The following EXOC6B variants were observed in gnomAD, a reference collection of about 807,000 sequenced individuals.
EXOC6B encodes exocyst complex component 6B.
A neutral mutation model predicts 113.5 loss-of-function variants in EXOC6B; 54 were observed. That is an observed-to-expected ratio of 0.48 (90% CI 0.38 to 0.60). EXOC6B has a LOEUF of 0.60. Among genes scored for constraint, EXOC6B ranks in the 20% least tolerant of loss-of-function variants. EXOC6B has a pLI of 0.00. For synonymous variants in EXOC6B, 357 were observed against 339.0 expected (o/e 1.05, Z -0.58); for missense variants, 797 against 977.5 (o/e 0.82, Z 2.46).
rs564099460 is a variant in EXOC6B, at chr2:72,256,922, AATGTAAAAGCAGGTAT to A, written c.2197-72751_2197-72736del. ...TATATGTATGAACACAAGGAGGCTGAATGTAAAAGCAGGTATCTGGAATCTATTTATTCCAGGTTCC... is the reference window on the plus strand; with the variant it reads ...TATATGTATGAACACAAGGAGGCTGACTGGAATCTATTTATTCCAGGTTCC... On this transcript the variant is annotated intron_variant, in intron 20 of 21. Coordinates refer to ENST00000272427, the MANE Select transcript of EXOC6B (RefSeq NM_015189.3). Among the ~76,000 whole-genome samples, 271 of 152,316 alleles carry A rather than the reference AATGTAAAAGCAGGTAT, an allele frequency of 1.8e-3. 6 individuals carry two copies. In the East Asian group the frequency reaches 0.048, roughly 27 times the overall value.
chr2:72,197,482 C>A (rs1340220133), intron 20 of EXOC6B, among the ~76,000 whole-genome samples: 1 of 152,106 alleles, frequency 6.6e-6, no homozygotes, highest in Non-Finnish European at 1.5e-5. Flanking sequence ...TACTGACTCT[C>A]AGTCTAAGGA....
intron 20 of EXOC6B, among the ~76,000 whole-genome samples, chr2:72,253,116 A>C (rs1172030905): frequency 6.6e-6 from 1 of 152,232 alleles, no homozygotes; most frequent in Non-Finnish European, 1.5e-5. Context: ...TTCACTAATC[A>C]TTTGAGGAAT....
At chr2:72,672,432 C>A (rs542488069) in intron 6 of EXOC6B, among the ~76,000 whole-genome samples, 1 of 151,206 alleles carries the variant, frequency 6.6e-6, no homozygotes, top group Admixed American at 6.6e-5. Context: ...ACATCGAGAC[C>A]ATCCTGGCTA....
intron 6 of EXOC6B, among the ~76,000 whole-genome samples, chr2:72,636,908 G>C (rs1672878112): frequency 1.3e-5 from 2 of 151,410 alleles, no homozygotes; most frequent in East Asian, 3.9e-4. Context: ...AACCTATGTA[G>C]ATTATTCCAA....
rs189344020 is a variant in EXOC6B at position 72,602,732 on chromosome 2, C to T, written c.670-27064G>A. ...CACACAGGTTATTGACTTCTGCTAA[C>T]ATATCCAAGACACATAAAGAAAGAT... On this transcript the variant is annotated intron_variant, in intron 6 of 21. Transcript: ENST00000272427. 2.0e-4 allele frequency among the ~76,000 whole-genome samples: 30 copies of T among 152,312 alleles called. 1 individual carries two copies. Among genetic ancestry groups the T allele is most frequent in the Middle Eastern group, 3.4e-3 (1 of 294 alleles).
chr2:72,741,577 C>A, intron 1 of EXOC6B, 108 bp from the exon 2 acceptor site: 1 of 927,442 alleles, frequency 1.1e-6, no homozygotes. Context: ...CAAAATAATC[C>A]AACTGTATAT....
chr2:72,581,738 C>T (rs1705237807), intron 6 of EXOC6B, among the ~76,000 whole-genome samples: 1 of 152,186 alleles, frequency 6.6e-6, no homozygotes. Context: ...CCCTGCTCCA[C>T]ACCTAGGCAT....
At chr2:72,557,305 G>C (rs1198044387) in intron 8 of EXOC6B, among the ~76,000 whole-genome samples, 3 of 30,716 alleles carry the variant, frequency 9.8e-5, no homozygotes, top group Non-Finnish European at 1.4e-4. Flanking sequence ...GGGGGGGGGG[G>C]CCTTTATGAA....
intron 8 of EXOC6B, among the ~76,000 whole-genome samples, chr2:72,557,827 T>C (rs1020056939): frequency 3.9e-5 from 6 of 152,130 alleles, no homozygotes; most frequent in Non-Finnish European, 7.3e-5. Flanking sequence ...AAAAGAATTG[T>C]ACATATATCA....
intron 8 of EXOC6B, chr2:72,515,773 A>T: frequency 2.0e-6 from 2 of 976,868 alleles, no homozygotes; most frequent in Non-Finnish European, 2.4e-6. Context: ...CTCCAAATTC[A>T]TGTCCTTCGT....
At chr2:72,626,537 C>T (rs977127093) in intron 6 of EXOC6B, among the ~76,000 whole-genome samples, 4 of 152,160 alleles carry the variant, frequency 2.6e-5, no homozygotes, top group African/African-American at 9.7e-5. Flanking sequence ...ATTCCATCAA[C>T]AGTAGCCGCT....
At chr2:72,716,989 T>C (rs899584506) in intron 6 of EXOC6B, among the ~76,000 whole-genome samples, 2 of 152,184 alleles carry the variant, frequency 1.3e-5, no homozygotes, top group Admixed American at 1.3e-4. Flanking sequence ...GTATTCAAAA[T>C]ACGTACCCAG....
chr2:72,710,016 T>A (rs1267064367), intron 6 of EXOC6B, among the ~76,000 whole-genome samples: 1 of 152,296 alleles, frequency 6.6e-6, no homozygotes, highest in Admixed American at 6.5e-5. Context: ...TAGTTGCAAT[T>A]GTTCAATAAG....
At chr2:72,787,522 CT>C (rs892420475) in intron 1 of EXOC6B, among the ~76,000 whole-genome samples, 15 of 151,102 alleles carry the variant, frequency 9.9e-5, no homozygotes, top group Admixed American at 3.3e-4. Context: ...TTATCTTTTT[CT>C]TTTTTTTTCC....
At chr2:72,767,573 G>A (rs1683140758) in intron 1 of EXOC6B, among the ~76,000 whole-genome samples, 1 of 151,368 alleles carries the variant, frequency 6.6e-6, no homozygotes, top group Admixed American at 6.6e-5. Flanking sequence ...ACTTTGGGAG[G>A]CGAGGCCGGC....
intron 18 of EXOC6B, among the ~76,000 whole-genome samples, chr2:72,443,085 G>C (rs1696315075): frequency 6.6e-6 from 1 of 152,042 alleles, no homozygotes; most frequent in Non-Finnish European, 1.5e-5. Flanking sequence ...CCAGCACTTT[G>C]GGAGGCTGAG....
chr2:72,330,969 C>G (rs368008758), intron 20 of EXOC6B, among the ~76,000 whole-genome samples: 1 of 152,210 alleles, frequency 6.6e-6, no homozygotes. Context: ...CAACCAGTCC[C>G]TAGCCAATCT....
chr2:72,295,511 C>G (rs1254738047), intron 20 of EXOC6B, among the ~76,000 whole-genome samples: 1 of 152,078 alleles, frequency 6.6e-6, no homozygotes, highest in Non-Finnish European at 1.5e-5. Context: ...GCCACACTTT[C>G]TTTTTCTGTT....
chr2:72,669,884 A>G (rs768741696), intron 6 of EXOC6B, among the ~76,000 whole-genome samples: 43 of 152,232 alleles, frequency 2.8e-4, no homozygotes, highest in Non-Finnish European at 5.4e-4. Flanking sequence ...ACATTCATGT[A>G]AGTCAAAAGA....
Sources: gnomAD v4.1 joint callset for allele counts (sites outside exome capture counted in the v4.1 genomes callset) on GRCh38, gnomAD v4.1.1 for gene constraint, MANE v1.5 for transcripts, NCBI Gene and HGNC (gene_info 2026-07-23, HGNC 2026-07-21) for gene names.